The following RIC3 variants were observed in gnomAD, a reference collection of about 807,000 sequenced individuals.
The protein encoded by RIC3 is RIC3 acetylcholine receptor chaperone, also known as protein RIC-3.
Under a neutral mutation model 27.3 loss-of-function variants are expected in RIC3, and 28 were observed. That is an observed-to-expected ratio of 1.02 (90% confidence interval 0.76 to 1.41). RIC3 has a LOEUF of 1.41. Among genes scored for constraint, RIC3 ranks in the 40% most tolerant of loss-of-function variants. RIC3 has a pLI of 0.00. For missense variants in RIC3, 501 were observed against 444.7 expected, an observed-to-expected ratio of 1.13 and a Z score of -1.14; for synonymous variants, 184 against 160.4, an observed-to-expected ratio of 1.15 and a Z score of -1.11.
At chr11:8,141,176 T>A (rs1444959903) in intron 1 of RIC3, among the ~76,000 whole-genome samples, 1 of 150,442 alleles carries the variant, frequency 6.6e-6, no homozygotes, top group Non-Finnish European at 1.5e-5. Context: ...AATTCACACA[T>A]AACAATACTA....
chr11:8,145,450 T>C (rs1050994855), intron 1 of RIC3, among the ~76,000 whole-genome samples: 2 of 152,226 alleles, frequency 1.3e-5, no homozygotes, highest in Non-Finnish European at 2.9e-5. Flanking sequence ...AATTTGCATG[T>C]TCTTCAACAG....
At chr11:8,101,836 A>ATTT, downstream of RIC3, 1 of 690,022 alleles carries the variant, frequency 1.4e-6, no homozygotes, top group Non-Finnish European at 2.3e-6. Flanking sequence ...GTGTGAAGGG[A>ATTT]TGAGAATAAT....
intron 1 of RIC3, among the ~76,000 whole-genome samples, chr11:8,167,542 T>C (rs1267439838): frequency 6.6e-6 from 1 of 151,832 alleles, no homozygotes; most frequent in Non-Finnish European, 1.5e-5. Flanking sequence ...GAACAACCCA[T>C]GTCTAATCTC....
chr11:8,096,988 T>C, the RIC3 span, among the ~76,000 whole-genome samples: 1 of 152,040 alleles, frequency 6.6e-6, no homozygotes, highest in Non-Finnish European at 1.5e-5. Flanking sequence ...TGGGGGGAGA[T>C]GCAGTTGGAC....
rs564341689 is a variant in RIC3 at position 8,162,424 on chromosome 11, C to G, written c.124+6442G>C. ...TGAAGAAATCCTCACAACGCAGTGT[C>G]TACACTGCTGCCAGGGTGTCCTTTC... On this transcript the variant is annotated intron_variant, in intron 1 of 5. Coordinates refer to ENST00000309737, the MANE Select transcript of RIC3 (RefSeq NM_001206671.4). Among the ~76,000 whole-genome samples, 11 of 152,332 alleles carry G rather than the reference C, an allele frequency of 7.2e-5. No individual in the cohort carries two copies. In the South Asian group the frequency reaches 2.3e-3, roughly 32 times the overall value.
chr11:8,101,464 CTG>C, downstream of RIC3: 1 of 1,605,466 alleles, frequency 6.2e-7, no homozygotes, highest in Non-Finnish European at 8.5e-7. Flanking sequence ...TTTTCTCTGT[CTG>C]TGCCTGTGCT....
chr11:8,137,590 G>A, intron 3 of RIC3, 119 bp from the exon 4 acceptor site: 1 of 601,138 alleles, frequency 1.7e-6, no homozygotes, highest in Non-Finnish European at 2.8e-6. Flanking sequence ...TCTCATTGAA[G>A]AACACCGCAG....
intron 5 of RIC3, among the ~76,000 whole-genome samples, chr11:8,124,814 T>C (rs1946826108): frequency 6.6e-6 from 1 of 151,990 alleles, no homozygotes; most frequent in Non-Finnish European, 1.5e-5. Context: ...TGGAAAAAAA[T>C]AAACCTCAGT....
At chr11:8,149,295 G>C (rs1223576293) in intron 1 of RIC3, among the ~76,000 whole-genome samples, 2 of 151,972 alleles carry the variant, frequency 1.3e-5, no homozygotes, top group Non-Finnish European at 2.9e-5. Context: ...AGAAGCAAAA[G>C]CACACCAGGA....
In RIC3 at chr11:8,110,945, T is replaced by C; in HGVS notation, c.863A>G (p.Gln288Arg). The C allele has an allele frequency of 1.2e-6, 2 of 1,614,228 alleles. No homozygotes were observed. Among genetic ancestry groups the C allele is most frequent in the Non-Finnish European group, 8.5e-7 (1 of 1,180,042 alleles). ...WESLPTDPRA[Q>R]EDNSVTSCDP... ...ACACGAGGTAACAGAATTATCTTCC[T>C]GGGCTCTGGGGTCAGTGGGCAGACT... Residue 288 changes from glutamine (Q) to arginine (R), a missense_variant, in exon 6 of 6, where the codon CAG becomes CGG. Gln to Arg is a conservative substitution (Grantham distance 43). Transcript: ENST00000309737.
chr11:8,128,310 T>C (rs1185773233), intron 4 of RIC3: 15 of 456,428 alleles, frequency 3.3e-5, no homozygotes. Flanking sequence ...AATGAAACAG[T>C]CTTAATTCTG....
intron 1 of RIC3, among the ~76,000 whole-genome samples, chr11:8,163,173 C>G (rs896414297): frequency 6.6e-6 from 1 of 151,832 alleles, no homozygotes; most frequent in African/African-American, 2.4e-5. Flanking sequence ...CAGTAAAGGA[C>G]AAAACTCACA....
intron 1 of RIC3, among the ~76,000 whole-genome samples, chr11:8,166,020 C>G (rs1197001617): frequency 6.6e-6 from 1 of 152,142 alleles, no homozygotes; most frequent in Non-Finnish European, 1.5e-5. Context: ...AACTCCCAGG[C>G]TCAAGCAATC....
the RIC3 span, chr11:8,095,725 C>T: frequency 2.6e-6 from 4 of 1,514,262 alleles, no homozygotes; most frequent in South Asian, 3.7e-5. Context: ...CTCAGATGCA[C>T]CTTTCTCTGG....
At position 8,147,026 on chromosome 11, in the gene RIC3, C is replaced by T. The variant is rs370188022; in HGVS notation, c.125-6833G>A. 2.6e-5 allele frequency among the ~76,000 whole-genome samples: 4 copies of T among 152,296 alleles called. No homozygotes were observed. The South Asian group carries it at 8.3e-4, about 32-fold the overall frequency. ...TCTGCCTCCCATTTTTATTCAAAGT[C>T]ATCTTCCTGCTCACTGAGACAGATG... is the stretch of plus-strand genomic sequence containing the variant. On this transcript the variant is annotated intron_variant, in intron 1 of 5. Transcript: ENST00000309737.
Position 8,168,854 on chromosome 11 carries a change from G to A in RIC3, c.124+12C>T. ...GCGCCGGGAAGCTCAGAGGGAGCTG[G>A]CCTGCTCTTACCTTCAGGTGTCGGC... is the stretch of plus-strand genomic sequence containing the variant. On this transcript the variant is annotated intron_variant, in intron 1 of 5. Coordinates refer to ENST00000309737, the MANE Select transcript of RIC3 (RefSeq NM_001206671.4). 2 of 1,610,644 alleles carry A rather than the reference G, an allele frequency of 1.2e-6. No individual in the cohort carries two copies. Among genetic ancestry groups the A allele is most frequent in the Middle Eastern group, 1.7e-4 (1 of 6,040 alleles).
intron 1 of RIC3, among the ~76,000 whole-genome samples, chr11:8,162,834 C>T (rs1479911787): frequency 4.6e-5 from 7 of 151,432 alleles, no homozygotes; most frequent in Admixed American, 2.6e-4. Context: ...TTAGTAGAGA[C>T]GGGGTTTCTC....
chr11:8,157,742 T>C (rs1950798579), intron 1 of RIC3, among the ~76,000 whole-genome samples: 1 of 152,204 alleles, frequency 6.6e-6, no homozygotes, highest in Non-Finnish European at 1.5e-5. Context: ...AAAAATAGTT[T>C]TTTACTTCAT....
chr11:8,139,898 G>A, intron 2 of RIC3, 69 bp downstream of exon 2: 2 of 1,372,082 alleles, frequency 1.5e-6, no homozygotes, highest in South Asian at 1.3e-5. Flanking sequence ...AAGTTTTAAT[G>A]TAGACAATGA....
Sources: gnomAD v4.1 joint callset for allele counts (sites outside exome capture counted in the v4.1 genomes callset) on GRCh38, gnomAD v4.1.1 for gene constraint, MANE v1.5 for transcripts, NCBI Gene and HGNC (gene_info 2026-07-23, HGNC 2026-07-21) for gene names.